Variants in UBE2D2 observed in about 807,000 individuals in gnomAD.
UBE2D2 encodes ubiquitin conjugating enzyme E2 D2.
UBE2D2 carries 2 observed loss-of-function variants against 24.2 expected under a neutral mutation model. The observed-to-expected ratio is 0.08, with a 90% confidence interval of 0.03 to 0.26. The LOEUF is 0.26. Ranked by LOEUF, UBE2D2 falls within the 10% of genes least tolerant of loss-of-function variation. The pLI, the probability that UBE2D2 is intolerant of heterozygous loss-of-function variation, is 1.00. For synonymous variants in UBE2D2, 58 were observed against 56.5 expected, an observed-to-expected ratio of 1.03 and a Z score of -0.12; for missense variants, 44 against 177.6, an observed-to-expected ratio of 0.25 and a Z score of 4.28.
At chr5:139,562,400 A>G in intron 1 of UBE2D2, 1 of 1,314,860 alleles carries the variant, frequency 7.6e-7, no homozygotes, top group Middle Eastern at 2.1e-4. Context: ...TCAGAAGAAA[A>G]AAAAAAGGTG....
At chr5:139,617,462 C>T (rs371712180) in intron 5 of UBE2D2, among the ~76,000 whole-genome samples, 7 of 149,142 alleles carry the variant, frequency 4.7e-5, no homozygotes, top group East Asian at 4.0e-4. Context: ...CTGCAACCTC[C>T]GCCTCCCGGG....
intron 1 of UBE2D2, among the ~76,000 whole-genome samples, chr5:139,537,865 A>G (rs1033444080): frequency 6.6e-6 from 1 of 151,446 alleles, no homozygotes; most frequent in African/African-American, 2.4e-5. Flanking sequence ...TGGGGAGGCT[A>G]AGGCAGGAGA....
chr5:139,624,136 G>T (rs1056705012), intron 6 of UBE2D2, among the ~76,000 whole-genome samples: 2 of 152,086 alleles, frequency 1.3e-5, no homozygotes, highest in Non-Finnish European at 1.5e-5. Flanking sequence ...CCTACCATTT[G>T]ACATAATCTA....
upstream of UBE2D2, among the ~76,000 whole-genome samples, chr5:139,560,226 T>A (rs1753044805): frequency 6.7e-6 from 1 of 149,318 alleles, no homozygotes; most frequent in African/African-American, 2.5e-5. Context: ...TTGAGACGCA[T>A]TCTTGCTGTT....
intron 1 of UBE2D2, chr5:139,562,125 C>T (rs2126646620): frequency 8.9e-7 from 1 of 1,128,780 alleles, no homozygotes; most frequent in Non-Finnish European, 1.2e-6. Context: ...GGGCCATTGT[C>T]GGGCCAGGAT....
intron 1 of UBE2D2, among the ~76,000 whole-genome samples, chr5:139,562,573 A>G (rs1442180503): frequency 1.3e-5 from 2 of 152,178 alleles, no homozygotes; most frequent in Admixed American, 1.3e-4. Context: ...AAACCACCAG[A>G]GAAATTATAC....
At chr5:139,571,136 C>T (rs1050425418) in intron 1 of UBE2D2, among the ~76,000 whole-genome samples, 9 of 151,862 alleles carry the variant, frequency 5.9e-5, no homozygotes, top group Admixed American at 1.3e-4. Flanking sequence ...CGGCTGGGCG[C>T]GGTGGCTCAT....
At chr5:139,624,841 A>G (rs896961495) in intron 6 of UBE2D2, among the ~76,000 whole-genome samples, 2 of 152,198 alleles carry the variant, frequency 1.3e-5, no homozygotes, top group Non-Finnish European at 2.9e-5. Context: ...AGTGGAGGTA[A>G]CACTGGGAAT....
At chr5:139,581,187 G>A (rs1355313281) in intron 1 of UBE2D2, among the ~76,000 whole-genome samples, 1 of 152,110 alleles carries the variant, frequency 6.6e-6, no homozygotes. Context: ...GGTGGCTCAC[G>A]CCTGTAATCC....
chr5:139,576,417 G>C (rs1753469520), intron 1 of UBE2D2, among the ~76,000 whole-genome samples: 1 of 151,054 alleles, frequency 6.6e-6, no homozygotes, highest in Non-Finnish European at 1.5e-5. Context: ...TTCTCTGTGT[G>C]TGTCTTCTCT....
chr5:139,605,871 T>G (rs903406997), intron 2 of UBE2D2, among the ~76,000 whole-genome samples: 1 of 151,574 alleles, frequency 6.6e-6, no homozygotes, highest in African/African-American at 2.4e-5. Flanking sequence ...CCTGAGTAGC[T>G]GGGACTATGG....
At chr5:139,622,496 GC>G (rs899258684) in intron 5 of UBE2D2, among the ~76,000 whole-genome samples, 1 of 150,384 alleles carries the variant, frequency 6.6e-6, no homozygotes, top group Non-Finnish European at 1.5e-5. Context: ...ACCCCCCTCC[GC>G]CTCCCAAAGT....
chr5:139,548,857 CT>C (rs372755282), intron 1 of UBE2D2, among the ~76,000 whole-genome samples: 48 of 143,778 alleles, frequency 3.3e-4, no homozygotes, highest in South Asian at 1.5e-3. Context: ...TTTTTTTTTT[CT>C]TTTTTTTTTA....
chr5:139,537,747 G>C (rs980565673), intron 1 of UBE2D2, among the ~76,000 whole-genome samples: 2 of 151,746 alleles, frequency 1.3e-5, no homozygotes, highest in African/African-American at 2.4e-5. Flanking sequence ...GGCGGATCAC[G>C]AGGTCAGGAG....
At chr5:139,574,735 C>CAAAAAAA (rs75539434) in intron 1 of UBE2D2, among the ~76,000 whole-genome samples, 887 of 70,624 alleles carry the variant, frequency 0.013, 7 homozygotes, top group African/African-American at 0.039. Flanking sequence ...GGTGGGGTGG[C>CAAAAAAA]AAAAAAAAAA....
Position 139,623,361 on chromosome 5 carries a change from A to T in UBE2D2, c.305-7A>T. On this transcript the variant is annotated splice_region_variant and splice_polypyrimidine_tract_variant and intron_variant, in intron 5 of 6. Transcript: ENST00000398733. ...TCTGCTAATTTATATGATTTTTTTC[A>T]TTCTAGTACTCTTGTCCATCTGTTC... The T allele has an allele frequency of 6.4e-7, 1 of 1,560,868 alleles. No homozygotes were observed.
intron 1 of UBE2D2, 53 bp from the exon 2 acceptor site, chr5:139,600,319 G>A: frequency 1.3e-6 from 2 of 1,573,044 alleles, no homozygotes; most frequent in South Asian, 1.1e-5. Flanking sequence ...TTTAGTAATG[G>A]ATAAAAGGTA....
chr5:139,565,293 CT>C (rs1753193011), intron 1 of UBE2D2, among the ~76,000 whole-genome samples: 1 of 152,070 alleles, frequency 6.6e-6, no homozygotes, highest in Non-Finnish European at 1.5e-5. Flanking sequence ...TTGGAAAAAG[CT>C]TTTGATGGAC....
chr5:139,534,204 G>A (rs879749267), intron 1 of UBE2D2, among the ~76,000 whole-genome samples: 5 of 151,554 alleles, frequency 3.3e-5, no homozygotes, highest in African/African-American at 4.9e-5. Context: ...AGGCCCAGGC[G>A]GGCAGATCAC....
Sources: allele counts gnomAD v4.1 joint callset (sites outside exome capture counted in the v4.1 genomes callset), GRCh38; gene constraint gnomAD v4.1.1; transcripts MANE v1.5; gene names NCBI Gene and HGNC (gene_info 2026-07-23, HGNC 2026-07-21).